The following SLC1A3 variants were observed in gnomAD, a reference collection of about 807,000 sequenced individuals.
SLC1A3 encodes the protein solute carrier family 1 member 3.
A neutral mutation model predicts 48.1 loss-of-function variants in SLC1A3; 21 were observed. The observed-to-expected ratio is 0.44, with a 90% CI of 0.31 to 0.63. The LOEUF (loss-of-function observed/expected upper bound fraction) is 0.63. SLC1A3 is among the 20% of genes least tolerant of loss of function. The pLI is 0.08. For synonymous variants in SLC1A3, 239 were observed against 251.4 expected (o/e 0.95, Z 0.47); for missense variants, 546 against 689.0 (o/e 0.79, Z 2.32).
intron 7 of SLC1A3, 21 bp downstream of exon 7, chr5:36,679,881 A>G (rs748905316): frequency 6.5e-7 from 1 of 1,547,412 alleles, no homozygotes; most frequent in Non-Finnish European, 8.9e-7. Context: ...ATGTGTGGAA[A>G]ATGAGTCTGA....
intron 3 of SLC1A3, chr5:36,669,019 T>C (rs1054380090): frequency 6.6e-6 from 1 of 151,684 alleles, no homozygotes; most frequent in African/African-American, 2.4e-5. Context: ...CACCACAAAA[T>C]AGAAGGCGAG....
At chr5:36,652,186 C>T (rs1160921041) in intron 3 of SLC1A3, among the ~76,000 whole-genome samples, 4 of 152,180 alleles carry the variant, frequency 2.6e-5, no homozygotes, top group Non-Finnish European at 5.9e-5. Flanking sequence ...GTCGTGTGTG[C>T]CTGCTGTTGA....
chr5:36,663,241 A>G (rs1183391260), intron 3 of SLC1A3, among the ~76,000 whole-genome samples: 1 of 151,966 alleles, frequency 6.6e-6, no homozygotes, highest in Non-Finnish European at 1.5e-5. Context: ...TTAGAGACGG[A>G]GTCTCGCTCT....
intron 3 of SLC1A3, among the ~76,000 whole-genome samples, chr5:36,664,212 C>G (rs1021692308): frequency 3.3e-5 from 5 of 152,194 alleles, no homozygotes; most frequent in Non-Finnish European, 7.3e-5. Flanking sequence ...CAGCTCACTG[C>G]AACCTCTGCC....
intron 1 of SLC1A3, among the ~76,000 whole-genome samples, chr5:36,600,194 AGGAGG>A (rs997887231): frequency 1.3e-5 from 2 of 152,080 alleles, no homozygotes; most frequent in Non-Finnish European, 2.9e-5. Flanking sequence ...AAGAGAGAGG[AGGAGG>A]GGAAGCTAGA....
chr5:36,649,069 C>T (rs537607368), intron 3 of SLC1A3, among the ~76,000 whole-genome samples: 1 of 152,040 alleles, frequency 6.6e-6, no homozygotes, highest in African/African-American at 2.4e-5. Flanking sequence ...CTTGACGAGG[C>T]CTGGTGGCTC....
At chr5:36,633,191 A>C (rs893410788) in intron 3 of SLC1A3, among the ~76,000 whole-genome samples, 16 of 152,240 alleles carry the variant, frequency 1.1e-4, no homozygotes, top group Non-Finnish European at 1.2e-4. Context: ...GGTAGACATA[A>C]CTATTACCTC....
intron 3 of SLC1A3, among the ~76,000 whole-genome samples, chr5:36,632,831 A>G (rs1044622493): frequency 6.6e-6 from 1 of 152,178 alleles, no homozygotes; most frequent in Admixed American, 6.5e-5. Flanking sequence ...CGTGTTTATG[A>G]GTTGTGGCTC....
intron 8 of SLC1A3, among the ~76,000 whole-genome samples, chr5:36,682,536 GAGTT>G (rs1742480747): frequency 6.6e-6 from 1 of 152,038 alleles, no homozygotes. Context: ...AAAGGTGACA[GAGTT>G]AAAAATAACA....
intron 3 of SLC1A3, among the ~76,000 whole-genome samples, chr5:36,664,990 C>T (rs565313141): frequency 1.1e-4 from 16 of 152,168 alleles, no homozygotes; most frequent in African/African-American, 3.4e-4. Context: ...GCCACCTTGC[C>T]GGGAACTCAT....
At position 36,642,574 on chromosome 5, in the gene SLC1A3, A is replaced by G. The variant is rs75886673; in HGVS notation, c.319+12987A>G. Among the ~76,000 whole-genome samples the G allele has an allele frequency of 1.3e-4, 20 of 152,364 alleles. 1 individual carries two copies. In the East Asian group the frequency reaches 3.9e-3, roughly 29 times the overall value. On this transcript the variant is annotated intron_variant, in intron 3 of 9. Coordinates refer to ENST00000265113, the MANE Select transcript of SLC1A3 (RefSeq NM_004172.5). ...AGGTTTATTGAGATATAACTCACAT[A>G]CATGCAATTTACCCATTTAAAGTGT...
chr5:36,596,960 C>A (rs1247036225), intron 1 of SLC1A3, among the ~76,000 whole-genome samples: 1 of 152,226 alleles, frequency 6.6e-6, no homozygotes, highest in South Asian at 2.1e-4. Flanking sequence ...AGAATGTTGC[C>A]GCCTGGGGGT....
chr5:36,661,338 G>C (rs1430943575), intron 3 of SLC1A3, among the ~76,000 whole-genome samples: 1 of 152,184 alleles, frequency 6.6e-6, no homozygotes, highest in Admixed American at 6.5e-5. Flanking sequence ...CTTGAACCTG[G>C]GAGGCAGAGG....
chr5:36,657,805 A>T (rs890637097), intron 3 of SLC1A3, among the ~76,000 whole-genome samples: 25 of 152,244 alleles, frequency 1.6e-4, no homozygotes, highest in Admixed American at 6.5e-5. Context: ...GTGAACCAAC[A>T]GTAGGAAGTG....
intron 3 of SLC1A3, among the ~76,000 whole-genome samples, chr5:36,643,855 G>A (rs1036323712): frequency 2.6e-5 from 4 of 151,958 alleles, no homozygotes; most frequent in Non-Finnish European, 5.9e-5. Context: ...ATAGCCAGGC[G>A]TGGTGGCATG....
chr5:36,631,918 T>C (rs1217303632), intron 3 of SLC1A3, among the ~76,000 whole-genome samples: 1 of 152,238 alleles, frequency 6.6e-6, no homozygotes, highest in Non-Finnish European at 1.5e-5. Flanking sequence ...GAAATGTTAC[T>C]GGAGAATGTG....
chr5:36,684,040 T>C, intron 9 of SLC1A3, 42 bp downstream of exon 9: 1 of 1,612,760 alleles, frequency 6.2e-7, no homozygotes, highest in Non-Finnish European at 8.5e-7. Flanking sequence ...TGTCACAGGG[T>C]CCCCCTCTGT....
At position 36,686,530 on chromosome 5, in the gene SLC1A3, G is replaced by A. The variant is rs1742655677; in HGVS notation, c.*261G>A. On this transcript the variant is annotated 3_prime_UTR_variant, in exon 10 of 10. Transcript: ENST00000265113. Reference sequence around the variant, plus strand: ...AGGTACCAAGATCACAAATAGTGTTGATCAGATCTTACAAGTTTATGTGGC... The same window carrying A: ...AGGTACCAAGATCACAAATAGTGTTAATCAGATCTTACAAGTTTATGTGGC... The A allele has an allele frequency of 2.2e-5, 11 of 500,434 alleles. 1 individual carries two copies. In the South Asian group the frequency reaches 2.3e-4, roughly 11 times the overall value. 31.0% of individuals were successfully genotyped at this position (500,434 alleles called of 1,614,324 possible).
intron 5 of SLC1A3, among the ~76,000 whole-genome samples, chr5:36,676,003 G>A (rs577201160): frequency 2.6e-5 from 4 of 152,142 alleles, no homozygotes; most frequent in Non-Finnish European, 5.9e-5. Context: ...TAAAATCACA[G>A]AGGGATGAGT....
Sources: allele counts gnomAD v4.1 joint callset (sites outside exome capture counted in the v4.1 genomes callset), GRCh38; gene constraint gnomAD v4.1.1; transcripts MANE v1.5; gene names NCBI Gene and HGNC (gene_info 2026-07-23, HGNC 2026-07-21).